SFI1: variants seen among roughly 807,000 people sequenced by gnomAD.
SFI1 encodes the protein SFI1 centrin binding protein, also known as protein SFI1 homolog.
In SFI1, 195 loss-of-function variants were observed where a neutral mutation model predicts 207.5. The observed-to-expected ratio is 0.94, with a 90% CI of 0.84 to 1.06. SFI1 has a LOEUF of 1.06. SFI1 is among the 50% of genes least tolerant of loss of function. SFI1 has a pLI of 0.00. For synonymous variants in SFI1, 630 were observed against 598.9 expected (o/e 1.05, Z -0.76); for missense variants, 1,634 against 1,588.0 (o/e 1.03, Z -0.49).
chr22:31,594,826 G>C (rs1489739398), intron 15 of SFI1, among the ~76,000 whole-genome samples: 1 of 123,188 alleles, frequency 8.1e-6, no homozygotes, highest in African/African-American at 3.1e-5. Context: ...CTGCACTCTA[G>C]CCTGGGCGAC....
chr22:31,604,541 G>A (rs755261210), intron 19 of SFI1, 137 bp downstream of exon 19: 29 of 751,570 alleles, frequency 3.9e-5, no homozygotes, highest in African/African-American at 8.8e-5. Flanking sequence ...CAGGTGCCCC[G>A]GACAGCGGGC....
intron 15 of SFI1, 96 bp from the exon 16 acceptor site, chr22:31,602,116 A>G (rs1024051783): frequency 9.4e-7 from 1 of 1,060,978 alleles, no homozygotes; most frequent in South Asian, 1.3e-5. Context: ...ATAGCATGGT[A>G]TAAAAGGAAA....
At chr22:31,527,138 C>T (rs192312547) in intron 2 of SFI1, among the ~76,000 whole-genome samples, 4 of 152,276 alleles carry the variant, frequency 2.6e-5, no homozygotes, top group African/African-American at 9.6e-5. Context: ...CTCAGGTGAC[C>T]CTCCCGCCTC....
chr22:31,563,867 G>C (rs940445702), intron 8 of SFI1, among the ~76,000 whole-genome samples: 3 of 151,758 alleles, frequency 2.0e-5, no homozygotes, highest in Non-Finnish European at 2.9e-5. Flanking sequence ...GATTACAGGG[G>C]TGAGCCACCA....
intron 15 of SFI1, among the ~76,000 whole-genome samples, chr22:31,595,602 G>C (rs1447332166): frequency 1.3e-5 from 2 of 152,152 alleles, no homozygotes; most frequent in Non-Finnish European, 2.9e-5. Flanking sequence ...GAGGAGATAA[G>C]AAACAACTGA....
Position 31,613,744 on chromosome 22 carries a change from G to T in SFI1, c.2885G>T (p.Arg962Leu). ...KVTFEGPLLN[R>L]IAAGAGDGTL... The stretch of plus-strand genomic sequence containing the variant: ...ACGTTTGAGGGTCCCCTTCTCAACC[G>T]CATTGCTGCTGGGGCTGGGGATGGC... The change falls in exon 27 of 33, where the codon CGC becomes CTC. Residue 962 changes from arginine to leucine, a missense_variant. Transcript: ENST00000400288. 1 of 1,613,084 alleles carries T rather than the reference G, an allele frequency of 6.2e-7. No individual in the cohort carries two copies.
rs764875302 is a variant in SFI1 at position 31,602,727 on chromosome 22, G to A, written c.1747G>A (p.Gly583Arg). The stretch of plus-strand genomic sequence containing the variant: ...AGTGGCCTGTGCCCACCACCGCCAC[G>A]GGCGGCTCAAGAAAGCTTTCTGCCT... ...QTVACAHHRH[G>R]RLKKAFCLWR... The change falls in exon 17 of 33, where the codon GGG becomes AGG. Residue 583 changes from glycine (G) to arginine (R), a missense_variant. Gly to Arg is a moderately radical substitution (Grantham distance 125). Transcript: ENST00000400288. The A allele has an allele frequency of 2.7e-5, 43 of 1,614,038 alleles. No individual in the cohort carries two copies. The highest frequency in any genetic ancestry group is 4.0e-5 in the African/African-American group (3 of 74,918).
intron 7 of SFI1, among the ~76,000 whole-genome samples, chr22:31,559,278 C>T (rs766041871): frequency 3.9e-4 from 59 of 151,944 alleles, no homozygotes; most frequent in Admixed American, 3.9e-4. Flanking sequence ...CAAAAGTTAG[C>T]CTGGTTTGAT....
At chr22:31,501,212 C>T (rs1202045660) in intron 1 of SFI1, among the ~76,000 whole-genome samples, 2 of 150,768 alleles carry the variant, frequency 1.3e-5, no homozygotes, top group Non-Finnish European at 2.9e-5. Flanking sequence ...AGCTCTGTTG[C>T]CCAGGCTGGA....
rs1162482504 is a variant in SFI1 at position 31,530,171 on chromosome 22, C to CAAAAAAAAAAAAAAAAAAAAAAA, written c.267-877_267-855dup. Among the ~76,000 whole-genome samples, 2 of 12,100 alleles carry CAAAAAAAAAAAAAAAAAAAAAAA rather than the reference C, an allele frequency of 1.7e-4. 1 individual carries two copies. Among genetic ancestry groups the CAAAAAAAAAAAAAAAAAAAAAAA allele is most frequent in the Non-Finnish European group, 2.7e-4 (2 of 7,524 alleles). 7.9% of individuals were successfully genotyped at this position (12,100 alleles called of 152,430 possible). The stretch of plus-strand genomic sequence containing the variant: ...TGGGCGACAGAGTGAGACTCCATCT[C>CAAAAAAAAAAAAAAAAAAAAAAA]AAAAAAAAAAAAAAAAAAAAAAAAA... On this transcript the variant is annotated intron_variant, in intron 3 of 32. Transcript: ENST00000400288.
At chr22:31,529,771 G>A (rs923772018) in intron 3 of SFI1, among the ~76,000 whole-genome samples, 4 of 148,754 alleles carry the variant, frequency 2.7e-5, no homozygotes, top group Middle Eastern at 3.6e-3. Context: ...ACTCTCTGGA[G>A]GAAGTGGAGT....
chr22:31,590,799 G>A (rs994406658), intron 15 of SFI1, among the ~76,000 whole-genome samples: 49 of 148,930 alleles, frequency 3.3e-4, no homozygotes, highest in African/African-American at 1.1e-3. Flanking sequence ...CACTGCGCCC[G>A]GCCAGCGTTT....
chr22:31,603,708 G>A, intron 17 of SFI1, 36 bp from the exon 18 acceptor site: 2 of 1,482,308 alleles, frequency 1.3e-6, no homozygotes, highest in Non-Finnish European at 1.8e-6. Context: ...TCACTGGGTG[G>A]GGGCTGCAGC....
intron 18 of SFI1, 125 bp downstream of exon 18, chr22:31,603,944 C>A: frequency 1.1e-6 from 1 of 936,268 alleles, no homozygotes; most frequent in Non-Finnish European, 1.6e-6. Context: ...GGAGAACAGG[C>A]AGCATAGAAA....
chr22:31,591,361 C>T (rs147438298), intron 15 of SFI1, among the ~76,000 whole-genome samples: 6,847 of 152,192 alleles, frequency 0.045, 132 homozygotes, highest in African/African-American at 0.052. Context: ...TCTCCCATGT[C>T]TACTCCCTTC....
At chr22:31,509,933 A>G (rs1304510824) in intron 2 of SFI1, among the ~76,000 whole-genome samples, 2 of 151,574 alleles carry the variant, frequency 1.3e-5, no homozygotes, top group Non-Finnish European at 2.9e-5. Context: ...TTATTTATTT[A>G]TTTTTGACAT....
At chr22:31,563,173 A>G (rs1042228625) in intron 8 of SFI1, among the ~76,000 whole-genome samples, 2 of 151,764 alleles carry the variant, frequency 1.3e-5, no homozygotes, top group African/African-American at 4.8e-5. Flanking sequence ...TTTGTATTTT[A>G]GTAGTGATGG....
intron 21 of SFI1, chr22:31,606,693 C>CTTTTTTTT (rs10524692): frequency 0.021 from 2,372 of 115,480 alleles, no homozygotes; most frequent in East Asian, 0.037. Flanking sequence ...TTCTTTTTTT[C>CTTTTTTTT]TTTTTTTTTT....
intron 20 of SFI1, 62 bp downstream of exon 20, chr22:31,605,007 A>G (rs1412959205): frequency 5.5e-6 from 8 of 1,444,274 alleles, no homozygotes; most frequent in South Asian, 2.7e-5. Context: ...TCCAAACCCC[A>G]GCCTTTTAGG....
Sources: gnomAD v4.1 joint callset for allele counts (sites outside exome capture counted in the v4.1 genomes callset) on GRCh38, gnomAD v4.1.1 for gene constraint, MANE v1.5 for transcripts, NCBI Gene and HGNC (gene_info 2026-07-23, HGNC 2026-07-21) for gene names.